RASSF9: variants seen among roughly 807,000 people sequenced by gnomAD.
The protein encoded by RASSF9 is ras association domain-containing protein 9.
A neutral mutation model predicts 21.4 loss-of-function variants in RASSF9; 18 were observed. The observed-to-expected ratio is 0.84, with a 90% CI of 0.58 to 1.25. The LOEUF is 1.25. RASSF9 is among the 50% of genes most tolerant of loss of function. The pLI is 0.00. For missense variants in RASSF9, 480 were observed against 503.2 expected, an observed-to-expected ratio of 0.95 and a Z score of 0.44; for synonymous variants, 183 against 179.1, an observed-to-expected ratio of 1.02 and a Z score of -0.18.
At chr12:85,812,565 C>A (rs1235806324) in intron 1 of RASSF9, among the ~76,000 whole-genome samples, 9 of 151,074 alleles carry the variant, frequency 6.0e-5, no homozygotes, top group Admixed American at 2.0e-4. Context: ...TTTTTACTAT[C>A]AGATTTTAAA....
intron 1 of RASSF9, among the ~76,000 whole-genome samples, chr12:85,816,628 C>T (rs898889637): frequency 7.2e-5 from 11 of 151,916 alleles, no homozygotes; most frequent in African/African-American, 9.7e-5. Flanking sequence ...AGAATTAGTA[C>T]AAAATATTAT....
At chr12:85,810,679 T>C (rs17280483) in intron 1 of RASSF9, among the ~76,000 whole-genome samples, 38,791 of 151,698 alleles carry the variant, frequency 0.26, 5,256 homozygotes, top group African/African-American at 0.31. Flanking sequence ...ATCTCAATCT[T>C]TGAAAATTTA....
At chr12:85,806,263 G>T (rs1161128498) in intron 1 of RASSF9, among the ~76,000 whole-genome samples, 6 of 151,196 alleles carry the variant, frequency 4.0e-5, no homozygotes, top group Non-Finnish European at 8.8e-5. Flanking sequence ...TGTTAGCCAG[G>T]ATGGTCTCGA....
At chr12:85,811,348 A>G (rs1879948752) in intron 1 of RASSF9, among the ~76,000 whole-genome samples, 2 of 151,822 alleles carry the variant, frequency 1.3e-5, no homozygotes, top group South Asian at 4.1e-4. Flanking sequence ...TCCTCACTAG[A>G]TACTCTGGAA....
intron 1 of RASSF9, among the ~76,000 whole-genome samples, chr12:85,833,678 A>G (rs1880501044): frequency 6.6e-6 from 1 of 151,984 alleles, no homozygotes; most frequent in Admixed American, 6.6e-5. Flanking sequence ...TGTTCCTTCT[A>G]ACAGTTCATA....
At chr12:85,830,395 C>T (rs1592534696) in intron 1 of RASSF9, among the ~76,000 whole-genome samples, 1 of 152,182 alleles carries the variant, frequency 6.6e-6, no homozygotes, top group East Asian at 1.9e-4. Flanking sequence ...CTTTAAGTTA[C>T]CCATGTATCC....
At chr12:85,832,889 C>T (rs909280877) in intron 1 of RASSF9, among the ~76,000 whole-genome samples, 2 of 151,866 alleles carry the variant, frequency 1.3e-5, no homozygotes, top group African/African-American at 4.8e-5. Flanking sequence ...TTAAACATTA[C>T]TACAATTAGA....
rs550425511 is a variant in RASSF9 at position 85,825,843 on chromosome 12, A to G, written c.47+10312T>C. Among the ~76,000 whole-genome samples the G allele has an allele frequency of 1.3e-4, 20 of 152,058 alleles. No homozygotes were observed. In the South Asian group the frequency reaches 3.9e-3, roughly 30 times the overall value. On this transcript the variant is annotated intron_variant, in intron 1 of 1. Coordinates refer to ENST00000361228, the MANE Select transcript of RASSF9 (RefSeq NM_005447.4). ...TTACAGTCTAGTGGAAATAATGGCT[A>G]TGTTTGAAAGCAATTTCAACCAAAG...
intron 1 of RASSF9, among the ~76,000 whole-genome samples, chr12:85,820,941 C>T (rs898662565): frequency 1.3e-5 from 2 of 151,872 alleles, no homozygotes; most frequent in African/African-American, 2.4e-5. Context: ...GTCAAGAGAT[C>T]CAGACCATCC....
intron 1 of RASSF9, among the ~76,000 whole-genome samples, chr12:85,807,542 AGAT>A (rs984139018): frequency 3.9e-5 from 6 of 152,128 alleles, no homozygotes; most frequent in Non-Finnish European, 5.9e-5. Context: ...TCTAGAAAAT[AGAT>A]GATGATTTCC....
At chr12:85,820,611 T>C (rs960306936) in intron 1 of RASSF9, among the ~76,000 whole-genome samples, 2 of 152,192 alleles carry the variant, frequency 1.3e-5, no homozygotes, top group African/African-American at 4.8e-5. Flanking sequence ...AAGTCACCTG[T>C]ATTTGCTAAC....
intron 1 of RASSF9, among the ~76,000 whole-genome samples, chr12:85,813,773 ATT>A (rs1880003591): frequency 1.3e-5 from 2 of 151,832 alleles, no homozygotes; most frequent in Admixed American, 1.3e-4. Context: ...AAAATAGTAA[ATT>A]ATTAATTAAG....
intron 1 of RASSF9, among the ~76,000 whole-genome samples, chr12:85,819,528 A>G (rs947661138): frequency 2.0e-5 from 3 of 152,218 alleles, no homozygotes; most frequent in Admixed American, 1.3e-4. Context: ...AGTGCTTTAC[A>G]TGTTCAAACC....
chr12:85,824,072 T>C (rs1366303390), intron 1 of RASSF9, among the ~76,000 whole-genome samples: 1 of 152,190 alleles, frequency 6.6e-6, no homozygotes, highest in African/African-American at 2.4e-5. Flanking sequence ...AATCTAACTA[T>C]TACGACCTTG....
chr12:85,835,211 C>A (rs1189657270), intron 1 of RASSF9, among the ~76,000 whole-genome samples: 1 of 151,982 alleles, frequency 6.6e-6, no homozygotes, highest in African/African-American at 2.4e-5. Context: ...CTGCACTGAG[C>A]AAATTATGAC....
At chr12:85,816,449 G>C (rs978797666) in intron 1 of RASSF9, among the ~76,000 whole-genome samples, 2 of 151,970 alleles carry the variant, frequency 1.3e-5, no homozygotes, top group Admixed American at 6.6e-5. Context: ...TTTCCACAGA[G>C]AAATGGGGAT....
At chr12:85,806,838 C>G (rs569495361) in intron 1 of RASSF9, among the ~76,000 whole-genome samples, 2 of 151,754 alleles carry the variant, frequency 1.3e-5, no homozygotes, top group Non-Finnish European at 2.9e-5. Context: ...GCATAGGTAG[C>G]GATAGTGAAA....
At chr12:85,822,535 T>C (rs986787614) in intron 1 of RASSF9, among the ~76,000 whole-genome samples, 3 of 152,220 alleles carry the variant, frequency 2.0e-5, no homozygotes, top group African/African-American at 4.8e-5. Flanking sequence ...TATCAGGGCC[T>C]GCCACTCTAT....
intron 1 of RASSF9, among the ~76,000 whole-genome samples, chr12:85,825,783 TACACACACACACACACAC>T (rs112920213): frequency 1.4e-5 from 2 of 147,100 alleles, no homozygotes; most frequent in Non-Finnish European, 3.0e-5. Context: ...ATGTGATCTT[TACACACACACACACACAC>T]ACACACACAC....
Sources: allele counts gnomAD v4.1 joint callset (sites outside exome capture counted in the v4.1 genomes callset), GRCh38; gene constraint gnomAD v4.1.1; transcripts MANE v1.5; gene names NCBI Gene and HGNC (gene_info 2026-07-23, HGNC 2026-07-21).